Variants in TNR observed in about 807,000 individuals in gnomAD.
TNR encodes tenascin R.
Under a neutral mutation model 150.4 loss-of-function variants are expected in TNR, and 45 were observed. The observed-to-expected ratio is 0.30, with a 90% CI of 0.24 to 0.38. The LOEUF (loss-of-function observed/expected upper bound fraction) is 0.38. Ranked by LOEUF, TNR falls within the 10% of genes least tolerant of loss-of-function variation. The pLI is 1.00. For missense variants in TNR, 1,544 were observed against 1,759.1 expected (o/e 0.88, Z 2.19); for synonymous variants, 687 against 678.4 (o/e 1.01, Z -0.20).
At chr1:175,705,432 G>A (rs1213158757) in intron 1 of TNR, among the ~76,000 whole-genome samples, 1 of 152,154 alleles carries the variant, frequency 6.6e-6, no homozygotes, top group South Asian at 2.1e-4. Flanking sequence ...TTAAATGTAA[G>A]TGTTCTCTAC....
intron 2 of TNR, among the ~76,000 whole-genome samples, chr1:175,443,819 T>C (rs923932873): frequency 2.0e-5 from 3 of 152,202 alleles, no homozygotes; most frequent in Admixed American, 1.3e-4. Context: ...GATTCCTCCT[T>C]AGTTTGAGAA....
At chr1:175,375,458 AT>A (rs1652329020) in intron 9 of TNR, among the ~76,000 whole-genome samples, 1 of 150,334 alleles carries the variant, frequency 6.7e-6, no homozygotes, top group Non-Finnish European at 1.5e-5. Context: ...TTCTCTGGAC[AT>A]TGCCTACAGA....
At chr1:175,613,542 GCCTGCCCTCTGTAGCCTGGCTTCTCCT>G (rs1663667809) in intron 1 of TNR, among the ~76,000 whole-genome samples, 1 of 151,324 alleles carries the variant, frequency 6.6e-6, no homozygotes, top group Admixed American at 6.6e-5. Context: ...CATGATTGGA[GCCTGCCCTCTGTAGCCTGGCTTCTCCT>G]CCTGCCCTCT....
intron 2 of TNR, among the ~76,000 whole-genome samples, chr1:175,524,773 C>T (rs758662972): frequency 3.9e-4 from 60 of 152,196 alleles, no homozygotes; most frequent in Non-Finnish European, 7.2e-4. Context: ...ACATTTTGCA[C>T]ATGTAAAGCA....
chr1:175,533,765 G>A (rs927740033), intron 1 of TNR, among the ~76,000 whole-genome samples: 2 of 152,188 alleles, frequency 1.3e-5, no homozygotes, highest in African/African-American at 4.8e-5. Context: ...TGAACAGGCT[G>A]CCCTTTCCAC....
chr1:175,552,070 G>A (rs1158865561), intron 1 of TNR, among the ~76,000 whole-genome samples: 1 of 152,172 alleles, frequency 6.6e-6, no homozygotes, highest in East Asian at 1.9e-4. Flanking sequence ...TTGCCCCTGA[G>A]GAACAGCCCT....
intron 2 of TNR, among the ~76,000 whole-genome samples, chr1:175,524,956 C>T (rs1231493289): frequency 3.9e-5 from 6 of 152,218 alleles, no homozygotes; most frequent in Non-Finnish European, 7.3e-5. Context: ...TGATACTCCT[C>T]TTTCCCCTTC....
chr1:175,459,677 G>C (rs541958394), intron 2 of TNR, among the ~76,000 whole-genome samples: 9 of 152,338 alleles, frequency 5.9e-5, no homozygotes, highest in African/African-American at 1.9e-4. Flanking sequence ...GGTGGCAGCA[G>C]TGGTGGCCAT....
At chr1:175,625,929 T>G (rs866761513) in intron 1 of TNR, among the ~76,000 whole-genome samples, 7 of 151,862 alleles carry the variant, frequency 4.6e-5, no homozygotes. Flanking sequence ...CAACTTGAAT[T>G]GTATCTCCCA....
chr1:175,697,734 G>C (rs1407210297), intron 1 of TNR, among the ~76,000 whole-genome samples: 1 of 152,250 alleles, frequency 6.6e-6, no homozygotes, highest in African/African-American at 2.4e-5. Context: ...AGGGCACAGG[G>C]GGACTTGGCC....
At chr1:175,430,002 G>A (rs1467449411) in intron 2 of TNR, among the ~76,000 whole-genome samples, 1 of 151,348 alleles carries the variant, frequency 6.6e-6, no homozygotes, top group East Asian at 1.9e-4. Context: ...GATGGAATAT[G>A]TATGTGAGAT....
Position 175,707,817 on chromosome 1 carries a change from TA to T in TNR, c.-165+35408del, listed in dbSNP as rs913925674. 1.2e-3 allele frequency among the ~76,000 whole-genome samples: 180 copies of T among 152,318 alleles called. 2 individuals are homozygous for T. The highest frequency in any genetic ancestry group is 4.2e-3 in the African/African-American group (173 of 41,574). Reference sequence around the variant, plus strand: ...TCTCTCAGTAAATAATTATTTAAGTTAAAATTATTTACTAAATTAAGTCGTT... The same window carrying T: ...TCTCTCAGTAAATAATTATTTAAGTTAAATTATTTACTAAATTAAGTCGTT... On this transcript the variant is annotated intron_variant, in intron 1 of 22. Coordinates refer to ENST00000367674, the MANE Select transcript of TNR (RefSeq NM_003285.3).
At chr1:175,368,607 A>G (rs1651942075) in intron 9 of TNR, among the ~76,000 whole-genome samples, 1 of 152,216 alleles carries the variant, frequency 6.6e-6, no homozygotes. Flanking sequence ...TTCATCTATT[A>G]CAACTGGCAT....
intron 1 of TNR, among the ~76,000 whole-genome samples, chr1:175,693,073 A>G (rs1044225990): frequency 5.9e-5 from 9 of 152,256 alleles, no homozygotes; most frequent in African/African-American, 2.2e-4. Context: ...GACACAGACA[A>G]TAAACTACAA....
intron 15 of TNR, among the ~76,000 whole-genome samples, chr1:175,357,865 C>A (rs766486059): frequency 2.6e-5 from 4 of 152,154 alleles, no homozygotes; most frequent in Admixed American, 1.3e-4. Context: ...ATCCTTATAG[C>A]CTTATAGAGT....
intron 1 of TNR, among the ~76,000 whole-genome samples, chr1:175,616,567 T>C (rs1042389157): frequency 2.6e-5 from 4 of 152,062 alleles, no homozygotes; most frequent in African/African-American, 9.7e-5. Flanking sequence ...TCTCTGGAAA[T>C]CAAACAGGTG....
intron 2 of TNR, among the ~76,000 whole-genome samples, chr1:175,438,916 G>A (rs1336134353): frequency 1.3e-5 from 2 of 152,060 alleles, no homozygotes; most frequent in Non-Finnish European, 2.9e-5. Context: ...TCATGGGTAG[G>A]AAGAATCAAT....
intron 1 of TNR, among the ~76,000 whole-genome samples, chr1:175,566,106 G>T (rs1391954028): frequency 6.6e-6 from 1 of 152,194 alleles, no homozygotes; most frequent in Non-Finnish European, 1.5e-5. Context: ...AGCAGAGAAG[G>T]AAGAAAATAA....
chr1:175,368,752 C>T (rs1336582683), intron 9 of TNR, among the ~76,000 whole-genome samples: 1 of 152,132 alleles, frequency 6.6e-6, no homozygotes, highest in Middle Eastern at 3.2e-3. Flanking sequence ...GAGTTCGAGA[C>T]CAGCCTGACC....
Sources: gnomAD v4.1 joint callset for allele counts (sites outside exome capture counted in the v4.1 genomes callset) on GRCh38, gnomAD v4.1.1 for gene constraint, MANE v1.5 for transcripts, NCBI Gene and HGNC (gene_info 2026-07-23, HGNC 2026-07-21) for gene names.